Variants in FDFT1 observed in about 807,000 individuals in gnomAD.
FDFT1 encodes the protein farnesyl-diphosphate farnesyltransferase 1.
FDFT1 carries 68 observed loss-of-function variants against 46.8 expected under a neutral mutation model. The ratio of observed to expected loss-of-function variants is 1.45; its 90% CI spans 1.19 to 1.78. The LOEUF (loss-of-function observed/expected upper bound fraction) is 1.78, where lower values mean the gene tolerates loss of function less well. Ranked by LOEUF, FDFT1 falls within the 40% of genes most tolerant of loss-of-function variation. The pLI is 0.00. For synonymous variants in FDFT1, 351 were observed against 185.1 expected (o/e 1.90, Z -7.28); for missense variants, 928 against 524.4 (o/e 1.77, Z -7.52).
intron 3 of FDFT1, among the ~76,000 whole-genome samples, chr8:11,812,050 G>A (rs1369932859): frequency 1.3e-5 from 2 of 152,176 alleles, no homozygotes; most frequent in Non-Finnish European, 2.9e-5. Context: ...GTGTGAAAGA[G>A]GACTGATACC....
intron 5 of FDFT1, among the ~76,000 whole-genome samples, chr8:11,827,890 CAA>C (rs1156520578): frequency 6.9e-6 from 1 of 145,082 alleles, no homozygotes; most frequent in African/African-American, 2.5e-5. Flanking sequence ...CAAAACAAAA[CAA>C]AACAAAACAA....
intron 7 of FDFT1, among the ~76,000 whole-genome samples, chr8:11,835,569 T>C (rs1165456813): frequency 6.6e-6 from 1 of 152,190 alleles, no homozygotes; most frequent in Non-Finnish European, 1.5e-5. Context: ...AAAAGGGTTT[T>C]TGTTGGTTGT....
At chr8:11,817,502 T>C (rs139736418) in intron 3 of FDFT1, among the ~76,000 whole-genome samples, 10,302 of 152,286 alleles carry the variant, frequency 0.068, 521 homozygotes, top group Non-Finnish European at 0.096. Context: ...TCCTGGACTT[T>C]CTTTGGTTGG....
chr8:11,809,006 T>A (rs570929687), intron 2 of FDFT1, 115 bp downstream of exon 2: 183 of 1,476,728 alleles, frequency 1.2e-4, no homozygotes, highest in Admixed American at 1.8e-4. Flanking sequence ...TTGCTGTGGC[T>A]TATCCAGAAC....
chr8:11,807,048 T>C (rs183009879), intron 1 of FDFT1, among the ~76,000 whole-genome samples: 1 of 152,068 alleles, frequency 6.6e-6, no homozygotes, highest in Non-Finnish European at 1.5e-5. Flanking sequence ...CATAGTTCAC[T>C]TAAACCTCCC....
chr8:11,827,994 G>C (rs1220754636), intron 5 of FDFT1, among the ~76,000 whole-genome samples: 1 of 152,180 alleles, frequency 6.6e-6, no homozygotes, highest in East Asian at 1.9e-4. Flanking sequence ...TTGAGGTCAG[G>C]TGTTTGAGAA....
At chr8:11,835,987 A>AAAAAAAAAAAAAAAAAAAAAAC in intron 7 of FDFT1, among the ~76,000 whole-genome samples, 1 of 129,506 alleles carries the variant, frequency 7.7e-6, no homozygotes, top group Non-Finnish European at 1.8e-5. Context: ...AAAAAAAAAA[A>AAAAAAAAAAAAAAAAAAAAAAC]AAAAAAAATA....
chr8:11,838,161 C>T (rs1409206684), intron 7 of FDFT1, among the ~76,000 whole-genome samples: 1 of 152,320 alleles, frequency 6.6e-6, no homozygotes, highest in Non-Finnish European at 1.5e-5. Flanking sequence ...GTATGCACAC[C>T]TGTGCCTCCT....
intron 3 of FDFT1, among the ~76,000 whole-genome samples, chr8:11,811,086 C>A (rs529533204): frequency 3.3e-5 from 5 of 151,978 alleles, no homozygotes; most frequent in Admixed American, 6.6e-5. Flanking sequence ...AAGAATAATT[C>A]GAGTTTATAC....
Position 11,808,874 on chromosome 8 carries a change from G to A in FDFT1, c.180G>A (p.Ala60=), listed in dbSNP as rs779875756. Reference sequence around the variant, plus strand: ...GCAGTTTCGCAGCTGTTATCCAGGCGCTGGATGGGGAAATGCGGTGAGTGA... The same window carrying A: ...GCAGTTTCGCAGCTGTTATCCAGGCACTGGATGGGGAAATGCGGTGAGTGA... ...TSRSFAAVIQ[A]LDGEMRNAVC... The change falls in exon 2 of 8, where the codon GCG becomes GCA. Residue 60 remains alanine (A), a synonymous_variant. Transcript: ENST00000220584. The A allele has an allele frequency of 3.1e-6, 5 of 1,613,736 alleles. No homozygotes were observed. Among genetic ancestry groups the A allele is most frequent in the Admixed American group, 1.7e-5 (1 of 59,974 alleles).
Position 11,803,143 on chromosome 8 carries a change from GC to G in FDFT1, c.99+215del, listed in dbSNP as rs1302755229. On this transcript the variant is annotated intron_variant, in intron 1 of 7. Transcript: ENST00000220584. Reference sequence around the variant, plus strand: ...TGACCTGTCCCTGCCCCCGCAAGCCGCCCTGGGCATGAGCGACTTTTGCGTG... The same window carrying G: ...TGACCTGTCCCTGCCCCCGCAAGCCGCCTGGGCATGAGCGACTTTTGCGTG... 4.2e-6 allele frequency: 6 copies of G among 1,426,228 alleles called. No individual in the cohort carries two copies. The African/African-American group carries it at 7.2e-5, about 17-fold the overall frequency. 88.3% of individuals were successfully genotyped at this position (1,426,228 alleles called of 1,614,324 possible). A position where few individuals can be genotyped will look rare whatever the true frequency, so the allele number is the denominator to read the frequency against.
chr8:11,809,544 C>A, intron 2 of FDFT1, 123 bp from the exon 3 acceptor site: 1 of 1,296,426 alleles, frequency 7.7e-7, no homozygotes, highest in Non-Finnish European at 1.0e-6. Flanking sequence ...CGTTGGATAT[C>A]CTTATAGTTC....
At chr8:11,825,921 C>T (rs1477090760) in intron 4 of FDFT1, 103 bp from the exon 5 acceptor site, 4 of 620,004 alleles carry the variant, frequency 6.5e-6, no homozygotes, top group South Asian at 4.8e-5. Context: ...TGCATTCTTA[C>T]CCATTCTCTT....
upstream of FDFT1, among the ~76,000 whole-genome samples, chr8:11,799,352 T>G (rs1227940316): frequency 6.6e-6 from 1 of 152,250 alleles, no homozygotes; most frequent in Non-Finnish European, 1.5e-5. Flanking sequence ...TGTTTTACTA[T>G]TGCTTATCTC....
intron 4 of FDFT1, among the ~76,000 whole-genome samples, chr8:11,822,148 A>G (rs1040205784): frequency 2.6e-5 from 4 of 152,352 alleles, no homozygotes; most frequent in Admixed American, 2.6e-4. Context: ...ATGAAGATTA[A>G]AACTACACAT....
chr8:11,816,299 C>T (rs539706818), intron 3 of FDFT1, among the ~76,000 whole-genome samples: 57 of 152,222 alleles, frequency 3.7e-4, no homozygotes, highest in African/African-American at 5.5e-4. Flanking sequence ...AGTCAGGTAG[C>T]GTGATGCCTC....
chr8:11,823,990 C>T (rs988994371), intron 4 of FDFT1, among the ~76,000 whole-genome samples: 1 of 152,202 alleles, frequency 6.6e-6, no homozygotes, highest in South Asian at 2.1e-4. Context: ...AAGCGATTCA[C>T]CTGCCTTAGC....
Position 11,802,859 on chromosome 8 carries a change from C to A in FDFT1, c.27C>A (p.His9Gln). The change falls in exon 1 of 8, where the codon CAC becomes CAA. Residue 9 changes from histidine to glutamine, a missense_variant. Coordinates refer to ENST00000220584, the MANE Select transcript of FDFT1 (RefSeq NM_004462.5). MEFVKCLGHPEEFYNLVRF... is the reference protein window; with the variant it reads MEFVKCLGQPEEFYNLVRF... ...TGGAGTTCGTGAAATGCCTTGGCCA[C>A]CCCGAAGAGTTCTACAACCTGGTGC... The A allele has an allele frequency of 1.2e-6, 2 of 1,611,902 alleles. No homozygotes were observed. The highest frequency in any genetic ancestry group is 1.7e-6 in the Non-Finnish European group (2 of 1,178,958).
intron 7 of FDFT1, among the ~76,000 whole-genome samples, chr8:11,832,781 G>A (rs1443265539): frequency 1.3e-5 from 2 of 152,006 alleles, no homozygotes; most frequent in African/African-American, 4.8e-5. Flanking sequence ...ATCCTCAGGT[G>A]TGATCCTGTT....
Sources: allele counts gnomAD v4.1 joint callset (sites outside exome capture counted in the v4.1 genomes callset), GRCh38; gene constraint gnomAD v4.1.1; transcripts MANE v1.5; gene names NCBI Gene and HGNC (gene_info 2026-07-23, HGNC 2026-07-21).